MYRF: variants seen among roughly 807,000 people sequenced by gnomAD.
MYRF encodes the protein myelin regulatory factor.
A neutral mutation model predicts 126.3 loss-of-function variants in MYRF; 16 were observed. The ratio of observed to expected loss-of-function variants is 0.13; its 90% confidence interval spans 0.09 to 0.19. MYRF has a LOEUF of 0.19. Among genes scored for constraint, MYRF ranks in the 10% least tolerant of loss-of-function variants. The pLI is 1.00. For synonymous variants in MYRF, 608 were observed against 635.3 expected (o/e 0.96, Z 0.65); for missense variants, 1,104 against 1,547.0 (o/e 0.71, Z 4.80).
At position 61,769,290 on chromosome 11, in the gene MYRF, C is replaced by A. The variant is rs375670369; in HGVS notation, c.429C>A (p.Gly143=). Residue 143 remains glycine, a synonymous_variant, in exon 4 of 27, where the codon GGC becomes GGA. Transcript: ENST00000278836. Reference sequence around the variant, plus strand: ...TGCCGGACTCTCCCCCAGACTCGGGCTCCGAGGCCTACTCCCCCCAGCAGG... The same window carrying A: ...TGCCGGACTCTCCCCCAGACTCGGGATCCGAGGCCTACTCCCCCCAGCAGG... ...GTLPDSPPDS[G]SEAYSPQQVN... 1.3e-4 allele frequency: 212 copies of A among 1,609,584 alleles called. No homozygotes were observed. The highest frequency in any genetic ancestry group is 1.6e-4 in the Non-Finnish European group (194 of 1,178,548).
At chr11:61,780,927 C>T (rs368442860) in intron 19 of MYRF, 33 bp from the exon 20 acceptor site, 10 of 1,606,906 alleles carry the variant, frequency 6.2e-6, no homozygotes, top group Non-Finnish European at 7.6e-6. Context: ...GCTCTCCCAG[C>T]CCCTCTGAGC....
chr11:61,786,202 A>G lies in MYRF; in HGVS notation c.*59A>G. ...CAGGGGTGCCCAGGCACCCCCCAAC[A>G]CTGGATGCAATGGTGTTACACTGGA... On this transcript the variant is annotated 3_prime_UTR_variant, in exon 27 of 27. Transcript: ENST00000278836. The surrounding 1 kb of genome is among the most constrained non-coding windows in gnomAD (Gnocchi z 4.5). 6.7e-7 allele frequency: 1 copy of G among 1,483,252 alleles called. No individual in the cohort carries two copies. The highest frequency in any genetic ancestry group is 9.4e-7 in the Non-Finnish European group (1 of 1,062,806). The allele number at this position is 1,483,252 out of a possible 1,614,324, so 91.9% of individuals were successfully genotyped here.
Position 61,776,282 on chromosome 11 carries a change from T to G in MYRF, c.1389-40T>G. 1 of 1,585,808 alleles carries G rather than the reference T, an allele frequency of 6.3e-7. No homozygotes were observed. Among genetic ancestry groups the G allele is most frequent in the Non-Finnish European group, 8.6e-7 (1 of 1,161,086 alleles). The stretch of plus-strand genomic sequence containing the variant: ...CCTCAGTGGCGTGGCTCTTGCAGCC[T>G]CCCTCCCTGCCCCCTGAGCACCCTG... On this transcript the variant is annotated intron_variant, in intron 9 of 26. Transcript: ENST00000278836. The surrounding 1 kb of genome is among the most constrained non-coding windows in gnomAD (Gnocchi z 4.3).
In MYRF at chr11:61,779,858, C is replaced by A. The variant is rs745462025; in HGVS notation, c.2264C>A (p.Pro755Gln). The A allele has an allele frequency of 5.6e-6, 9 of 1,613,914 alleles. No individual in the cohort carries two copies. Among genetic ancestry groups the A allele is most frequent in the Non-Finnish European group, 7.6e-6 (9 of 1,179,924 alleles). Reference sequence around the variant, plus strand: ...GGTCCTCAGTCATCGTCCGTGGTTCCGGACCAGGCCTGCATCAGCCAGCGC... The same window carrying A: ...GGTCCTCAGTCATCGTCCGTGGTTCAGGACCAGGCCTGCATCAGCCAGCGC... ...KVASKSSSVV[P>Q]DQACISQRFL... The change falls in exon 17 of 27, where the codon CCG becomes CAG. Residue 755 changes from proline to glutamine, a missense_variant. By Grantham distance (76) the Pro-to-Gln change is moderately conservative. Coordinates refer to ENST00000278836, the MANE Select transcript of MYRF (RefSeq NM_001127392.3).
chr11:61,772,908 C>G lies in MYRF; in HGVS notation c.1115+956C>G, dbSNP rs1435337081. 2.6e-5 allele frequency among the ~76,000 whole-genome samples: 4 copies of G among 152,324 alleles called. No homozygotes were observed. In the East Asian group the frequency reaches 7.7e-4, roughly 29 times the overall value. Reference sequence around the variant, plus strand: ...ACAAGTTTGGAAGCATTCTCCCTGCCCAGCTTCCGCCAGGCCAGCACTGGG... The same window carrying G: ...ACAAGTTTGGAAGCATTCTCCCTGCGCAGCTTCCGCCAGGCCAGCACTGGG... On this transcript the variant is annotated intron_variant, in intron 7 of 26. Transcript: ENST00000278836.
At chr11:61,761,984 A>G (rs1359336031) in intron 1 of MYRF, among the ~76,000 whole-genome samples, 1 of 152,242 alleles carries the variant, frequency 6.6e-6, no homozygotes, top group Non-Finnish European at 1.5e-5. Flanking sequence ...GGGAAGGTAA[A>G]GAACTGATGA....
chr11:61,779,245 GC>G lies in MYRF; in HGVS notation c.2014-15del. ...CCTCTGTGTTGGCCCATGGCCCATG[GC>G]CCATGGCCCATGGCAGGAGCGCATC... On this transcript the variant is annotated splice_polypyrimidine_tract_variant and intron_variant, in intron 14 of 26. Coordinates refer to ENST00000278836, the MANE Select transcript of MYRF (RefSeq NM_001127392.3). 1 of 1,537,708 alleles carries G rather than the reference GC, an allele frequency of 6.5e-7. No individual in the cohort carries two copies. The highest frequency in any genetic ancestry group is 1.2e-5 in the South Asian group (1 of 83,900).
rs1280083036 is a variant in MYRF, at chr11:61,777,527, C to A, written c.1791+63C>A. ...GCTGGAGCGGGCCGCGGGGGCGGGG[C>A]TCCTGGGGAGGGGGCGTGACTACGC... On this transcript the variant is annotated intron_variant, in intron 12 of 26. Coordinates refer to ENST00000278836, the MANE Select transcript of MYRF (RefSeq NM_001127392.3). This position sits in a 1 kb window ranked among gnomAD's most constrained non-coding sequence, Gnocchi z 8.8. The A allele has an allele frequency of 2.8e-5, 43 of 1,513,576 alleles. No homozygotes were observed. The East Asian group carries it at 1.1e-3, about 37-fold the overall frequency. 93.8% of individuals were successfully genotyped at this position (1,513,576 alleles called of 1,614,324 possible).
chr11:61,755,448 C>G lies in MYRF; in HGVS notation c.46+2658C>G. 1.9e-6 allele frequency: 3 copies of G among 1,610,128 alleles called. No individual in the cohort carries two copies. The Admixed American group carries it at 5.1e-5, about 27-fold the overall frequency. ...GATGCACTGGCTTCCAGCAGGTAACCGGGCCATGGTATAAGGGGGCTTTGG... is the reference window on the plus strand; with the variant it reads ...GATGCACTGGCTTCCAGCAGGTAACGGGGCCATGGTATAAGGGGGCTTTGG... On this transcript the variant is annotated intron_variant, in intron 1 of 26. Transcript: ENST00000278836.
chr11:61,758,898 G>A (rs146346336), intron 1 of MYRF, among the ~76,000 whole-genome samples: 7 of 152,234 alleles, frequency 4.6e-5, no homozygotes, highest in Non-Finnish European at 1.0e-4. Context: ...GAAGGCACAC[G>A]GATGAACGCT....
At chr11:61,785,905 G>A in intron 26 of MYRF, 31 bp downstream of exon 26, 2 of 1,608,798 alleles carry the variant, frequency 1.2e-6, no homozygotes, top group South Asian at 1.1e-5. Context: ...TACCCTGGAG[G>A]TCTGGGCACC....
chr11:61,765,044 G>T (rs1393371551), intron 1 of MYRF, among the ~76,000 whole-genome samples: 1 of 152,214 alleles, frequency 6.6e-6, no homozygotes, highest in Non-Finnish European at 1.5e-5. Flanking sequence ...GGGCCTGGGT[G>T]CAGGAGACTC....
Position 61,783,448 on chromosome 11 carries a change from C to G in MYRF, c.3017-50C>G, listed in dbSNP as rs1015561759. Reference sequence around the variant, plus strand: ...TTCAAGTCTGGCAAGGAAAGACTTGCCAGCTTCTCATTTGTGTCCTGCCTT... The same window carrying G: ...TTCAAGTCTGGCAAGGAAAGACTTGGCAGCTTCTCATTTGTGTCCTGCCTT... On this transcript the variant is annotated intron_variant, in intron 22 of 26. Coordinates refer to ENST00000278836, the MANE Select transcript of MYRF (RefSeq NM_001127392.3). This position sits in a 1 kb window ranked among gnomAD's most constrained non-coding sequence, Gnocchi z 4.6. 1 of 1,450,602 alleles carries G rather than the reference C, an allele frequency of 6.9e-7. No homozygotes were observed. Among genetic ancestry groups the G allele is most frequent in the Non-Finnish European group, 9.6e-7 (1 of 1,037,412 alleles). The allele number at this position is 1,450,602 out of a possible 1,614,324, so 89.9% of individuals were successfully genotyped here.
Position 61,778,834 on chromosome 11 carries a change from G to A in MYRF, c.2013+345G>A. 1.8e-6 allele frequency: 1 copy of A among 549,742 alleles called. No homozygotes were observed. The highest frequency in any genetic ancestry group is 3.5e-6 in the Non-Finnish European group (1 of 287,864). The allele number at this position is 549,742 out of a possible 1,614,324, so 34.1% of individuals were successfully genotyped here. ...GCTGAAATACGTGGTTTATTGTGAG[G>A]ACGACGTTTGTCACTTACCTGTCCT... On this transcript the variant is annotated intron_variant, in intron 14 of 26. Coordinates refer to ENST00000278836, the MANE Select transcript of MYRF (RefSeq NM_001127392.3). This position sits in a 1 kb window ranked among gnomAD's most constrained non-coding sequence, Gnocchi z 4.6.
chr11:61,768,385 GC>G (rs2135764213), intron 3 of MYRF: 1 of 152,432 alleles, frequency 6.6e-6, no homozygotes, highest in African/African-American at 2.4e-5. Context: ...AGCCCAGGGG[GC>G]CTGAGGCTGT....
intron 1 of MYRF, among the ~76,000 whole-genome samples, chr11:61,765,110 C>T (rs933450096): frequency 1.3e-5 from 2 of 152,224 alleles, no homozygotes; most frequent in Admixed American, 6.5e-5. Context: ...GCCTCGTGCT[C>T]CTGCGTTCCT....
rs2065794976 is a variant in MYRF, at chr11:61,757,561, TTC to T, written c.46+4773_46+4774del. On this transcript the variant is annotated intron_variant, in intron 1 of 26. Transcript: ENST00000278836. This position sits in a 1 kb window ranked among gnomAD's most constrained non-coding sequence, Gnocchi z 4.7. ...GGGGCTTGTTGAGCATGTTCTGTGG[TTC>T]TGTGTGCAAGGCCTGAACCATGACA... is the stretch of plus-strand genomic sequence containing the variant. 4.4e-6 allele frequency: 2 copies of T among 456,398 alleles called. No individual in the cohort carries two copies. 28.3% of individuals were successfully genotyped at this position (456,398 alleles called of 1,614,324 possible).
chr11:61,760,601 G>C (rs1474785389), intron 1 of MYRF, among the ~76,000 whole-genome samples: 1 of 152,220 alleles, frequency 6.6e-6, no homozygotes, highest in Admixed American at 6.5e-5. Flanking sequence ...GGAGGGGCCT[G>C]GGGGAGAGGG....
chr11:61,768,939 GAGA>G (rs1221299835), intron 3 of MYRF, among the ~76,000 whole-genome samples: 6 of 152,172 alleles, frequency 3.9e-5, no homozygotes, highest in Admixed American at 2.0e-4. Flanking sequence ...TGCAGGAAGA[GAGA>G]AGAAGTCCTG....
Sources: gnomAD v4.1 joint callset for allele counts (sites outside exome capture counted in the v4.1 genomes callset) on GRCh38, gnomAD v4.1.1 for gene constraint, Gnocchi (gnomAD v3.1) non-coding constraint, MANE v1.5 for transcripts, NCBI Gene and HGNC (gene_info 2026-07-23, HGNC 2026-07-21) for gene names.